ULK4: variants seen among roughly 807,000 people sequenced by gnomAD.
ULK4 encodes the protein inactive serine/threonine-protein kinase ULK4.
In ULK4, 133 loss-of-function variants were observed where a neutral mutation model predicts 160.6. The observed-to-expected ratio is 0.83, with a 90% CI of 0.72 to 0.96. The LOEUF (loss-of-function observed/expected upper bound fraction) is 0.96, where lower values mean the gene tolerates loss of function less well. ULK4 is among the 40% of genes least tolerant of loss of function. The pLI is 0.00. For synonymous variants in ULK4, 534 were observed against 539.8 expected (o/e 0.99, Z 0.15); for missense variants, 1,580 against 1,499.5 (o/e 1.05, Z -0.89).
chr3:41,437,946 T>C (rs975876289), intron 34 of ULK4, among the ~76,000 whole-genome samples: 1 of 152,100 alleles, frequency 6.6e-6, no homozygotes, highest in Non-Finnish European at 1.5e-5. Flanking sequence ...CAGAAAATCA[T>C]GTGCAAAAAT....
At chr3:41,590,303 C>G (rs2031190205) in intron 31 of ULK4, among the ~76,000 whole-genome samples, 3 of 151,056 alleles carry the variant, frequency 2.0e-5, no homozygotes, top group Non-Finnish European at 4.4e-5. Flanking sequence ...CGCCCGGCCC[C>G]CAAATGCAAG....
chr3:41,693,596 T>G (rs2036384533), intron 27 of ULK4, among the ~76,000 whole-genome samples: 2 of 151,676 alleles, frequency 1.3e-5, no homozygotes, highest in Non-Finnish European at 2.9e-5. Context: ...GAAGGAAAAA[T>G]AAGAAAACAC....
intron 7 of ULK4, 32 bp from the exon 8 acceptor site, chr3:41,916,084 A>G (rs755899228): frequency 8.5e-6 from 12 of 1,420,016 alleles, no homozygotes; most frequent in African/African-American, 2.9e-5. Flanking sequence ...AGAAAAAATG[A>G]TAAGTAGTAA....
intron 21 of ULK4, among the ~76,000 whole-genome samples, chr3:41,772,704 T>A (rs1428749633): frequency 6.6e-6 from 1 of 152,164 alleles, no homozygotes; most frequent in Non-Finnish European, 1.5e-5. Flanking sequence ...GAGGGAATCC[T>A]CCCTAACTCA....
At chr3:41,502,495 C>A (rs942345352) in intron 32 of ULK4, among the ~76,000 whole-genome samples, 2 of 152,184 alleles carry the variant, frequency 1.3e-5, no homozygotes, top group Non-Finnish European at 2.9e-5. Flanking sequence ...CAAAGACTTA[C>A]ATGTGAGTGT....
intron 3 of ULK4, among the ~76,000 whole-genome samples, chr3:41,936,306 G>A (rs945028307): frequency 6.6e-6 from 1 of 152,178 alleles, no homozygotes; most frequent in Non-Finnish European, 1.5e-5. Flanking sequence ...TGTGCAGTCA[G>A]GTCACATTCT....
intron 31 of ULK4, among the ~76,000 whole-genome samples, chr3:41,597,086 T>A (rs1437944629): frequency 6.6e-6 from 1 of 152,108 alleles, no homozygotes. Flanking sequence ...CGCTCCCCTC[T>A]CAGGAGTCAT....
rs537169124 is a variant in ULK4, at chr3:41,806,600, C to T, written c.1849-6307G>A. Among the ~76,000 whole-genome samples the T allele has an allele frequency of 6.6e-5, 10 of 151,990 alleles. No individual in the cohort carries two copies. In the East Asian group the frequency reaches 1.9e-3, roughly 29 times the overall value. ...TTAGGGTGTCAATTTTGGATCTTTCCTGCTTTCTCTTGTGGGCATTTAGTG... is the reference window on the plus strand; with the variant it reads ...TTAGGGTGTCAATTTTGGATCTTTCTTGCTTTCTCTTGTGGGCATTTAGTG... On this transcript the variant is annotated intron_variant, in intron 19 of 36. Coordinates refer to ENST00000301831, the MANE Select transcript of ULK4 (RefSeq NM_017886.4).
At chr3:41,344,802 A>C (rs1575451809) in intron 35 of ULK4, among the ~76,000 whole-genome samples, 1 of 151,670 alleles carries the variant, frequency 6.6e-6, no homozygotes, top group Middle Eastern at 3.4e-3. Flanking sequence ...GGATCTAATT[A>C]AAGAGCTTCT....
intron 34 of ULK4, among the ~76,000 whole-genome samples, chr3:41,403,290 T>C (rs1218064067): frequency 2.0e-5 from 3 of 152,190 alleles, no homozygotes; most frequent in African/African-American, 7.2e-5. Context: ...TCTTTAATGA[T>C]TATAGGACTA....
intron 19 of ULK4, among the ~76,000 whole-genome samples, chr3:41,800,692 T>C (rs73073352): frequency 0.12 from 18,842 of 152,148 alleles, 1,348 homozygotes; most frequent in Middle Eastern, 0.27. Flanking sequence ...CAGAAGTCAT[T>C]CAGTCCTAGG....
chr3:41,458,273 C>T (rs1016090263), intron 33 of ULK4, among the ~76,000 whole-genome samples: 1 of 152,200 alleles, frequency 6.6e-6, no homozygotes, highest in African/African-American at 2.4e-5. Flanking sequence ...AACTTGTCAT[C>T]CTTTAGTTAA....
intron 32 of ULK4, among the ~76,000 whole-genome samples, chr3:41,491,507 T>G (rs369378266): frequency 6.6e-6 from 1 of 151,714 alleles, no homozygotes; most frequent in South Asian, 2.1e-4. Flanking sequence ...ATATAGAAAT[T>G]AGGTACAAAA....
intron 22 of ULK4, among the ~76,000 whole-genome samples, chr3:41,725,352 C>A (rs558287567): frequency 6.6e-6 from 1 of 152,030 alleles, no homozygotes; most frequent in Admixed American, 6.6e-5. Flanking sequence ...TATCTATTAT[C>A]GTTTATTATA....
Position 41,732,438 on chromosome 3 carries a change from G to A in ULK4, c.2322-14577C>T, listed in dbSNP as rs552103844. 2.6e-5 allele frequency among the ~76,000 whole-genome samples: 4 copies of A among 152,118 alleles called. No homozygotes were observed. In the East Asian group the frequency reaches 5.8e-4, roughly 22 times the overall value. On this transcript the variant is annotated intron_variant, in intron 22 of 36. Transcript: ENST00000301831. Reference sequence around the variant, plus strand: ...GTATCACCTCACCCCAGTTAGAGTGGCTATTAACAAAAATAATAATAATAA... The same window carrying A: ...GTATCACCTCACCCCAGTTAGAGTGACTATTAACAAAAATAATAATAATAA...
In ULK4 at chr3:41,932,778, T is replaced by G. The variant is rs553545225; in HGVS notation, c.379-772A>C. 9.8e-5 allele frequency among the ~76,000 whole-genome samples: 15 copies of G among 152,288 alleles called. No individual in the cohort carries two copies. In the East Asian group the frequency reaches 2.9e-3, roughly 29 times the overall value. ...GCTATGTAGGGTCAAGTGCAGTGCCTCACACCTGTAATCCCAGCACTTTGG... is the reference window on the plus strand; with the variant it reads ...GCTATGTAGGGTCAAGTGCAGTGCCGCACACCTGTAATCCCAGCACTTTGG... On this transcript the variant is annotated intron_variant, in intron 4 of 36. Coordinates refer to ENST00000301831, the MANE Select transcript of ULK4 (RefSeq NM_017886.4).
intron 30 of ULK4, among the ~76,000 whole-genome samples, chr3:41,661,511 G>A (rs2035163033): frequency 9.5e-6 from 1 of 105,820 alleles, no homozygotes; most frequent in South Asian, 2.4e-4. Flanking sequence ...ATAGATAGAT[G>A]ATAGATAGAT....
chr3:41,431,922 TG>T (rs1371499923), intron 34 of ULK4, among the ~76,000 whole-genome samples: 1 of 151,732 alleles, frequency 6.6e-6, no homozygotes, highest in African/African-American at 2.4e-5. Context: ...CCCAAGTAGC[TG>T]GGACTACAGG....
Position 41,900,810 on chromosome 3 carries a change from C to T in ULK4, c.1202G>A (p.Ser401Asn), listed in dbSNP as rs770260814. The T allele has an allele frequency of 6.2e-7, 1 of 1,613,552 alleles. No homozygotes were observed. The highest frequency in any genetic ancestry group is 8.5e-7 in the Non-Finnish European group (1 of 1,179,658). ...CATCTGGGATTCCAGGTCCTGCTGA[C>T]TCAGGTGTCCACTTGTAATCTGAAA... The part of the protein sequence containing the change: ...PLTKITSGHL[S>N]QQDLESQMRE... Residue 401 changes from serine (S) to asparagine (N), a missense_variant, in exon 13 of 37, where the codon AGT becomes AAT. Coordinates refer to ENST00000301831, the MANE Select transcript of ULK4 (RefSeq NM_017886.4).
Sources: gnomAD v4.1 joint callset for allele counts (sites outside exome capture counted in the v4.1 genomes callset) on GRCh38, gnomAD v4.1.1 for gene constraint, MANE v1.5 for transcripts, NCBI Gene and HGNC (gene_info 2026-07-23, HGNC 2026-07-21) for gene names.